ZNF621: variants seen among roughly 807,000 people sequenced by gnomAD.
ZNF621 encodes the protein zinc finger protein 621.
ZNF621 carries 6 observed loss-of-function variants against 12.7 expected under a neutral mutation model. The observed-to-expected ratio is 0.47, with a 90% confidence interval of 0.26 to 0.93. ZNF621 has a LOEUF of 0.93. ZNF621 is among the 40% of genes least tolerant of loss of function. The probability of loss-of-function intolerance (pLI) is 0.15; values close to 1 mark genes in which losing one functional copy is unlikely to be tolerated. For synonymous variants in ZNF621, 156 were observed against 190.3 expected (o/e 0.82, Z 1.48); for missense variants, 474 against 524.0 (o/e 0.90, Z 0.93).
Position 40,535,669 on chromosome 3 carries a change from A to C in ZNF621, c.*2579A>C, listed in dbSNP as rs1255822993. 5 of 152,294 alleles carry C rather than the reference A, an allele frequency of 3.3e-5. No individual in the cohort carries two copies. Among genetic ancestry groups the C allele is most frequent in the Admixed American group, 6.5e-5 (1 of 15,290 alleles). 9.4% of individuals were successfully genotyped at this position (152,294 alleles called of 1,614,324 possible). On this transcript the variant is annotated 3_prime_UTR_variant, in exon 5 of 5. Transcript: ENST00000339296. Reference sequence around the variant, plus strand: ...GGTTATATATGTATGTCCAAGTTGCAGGGGCTTCTGGGAAATACAGGTTTT... The same window carrying C: ...GGTTATATATGTATGTCCAAGTTGCCGGGGCTTCTGGGAAATACAGGTTTT...
At chr3:40,529,607 GT>G (rs1262733888) in intron 3 of ZNF621, 162 bp downstream of exon 3, 1 of 1,489,936 alleles carries the variant, frequency 6.7e-7, no homozygotes, top group African/African-American at 1.4e-5. Flanking sequence ...TTTGTTTTTT[GT>G]TTGTTTGTTT....
At position 40,535,796 on chromosome 3, in the gene ZNF621, T is replaced by G. The variant is rs1023895592; in HGVS notation, c.*2706T>G. 1 of 152,216 alleles carries G rather than the reference T, an allele frequency of 6.6e-6. No individual in the cohort carries two copies. Among genetic ancestry groups the G allele is most frequent in the African/African-American group, 2.4e-5 (1 of 41,454 alleles). The allele number at this position is 152,216 out of a possible 1,614,324, so 9.4% of individuals were successfully genotyped here. On this transcript the variant is annotated 3_prime_UTR_variant, in exon 5 of 5. Coordinates refer to ENST00000339296, the MANE Select transcript of ZNF621 (RefSeq NM_198484.5). ...GCTGTAAAATATCAGATACCCATTATAGGCATTGAAGGTTACCTAAATGAC... is the reference window on the plus strand; with the variant it reads ...GCTGTAAAATATCAGATACCCATTAGAGGCATTGAAGGTTACCTAAATGAC...
At position 40,532,158 on chromosome 3, in the gene ZNF621, A is replaced by C; in HGVS notation, c.388A>C (p.Lys130Gln). Residue 130 changes from lysine (K) to glutamine (Q), a missense_variant, in exon 5 of 5, where the codon AAG (lysine) becomes CAG (glutamine). Coordinates refer to ENST00000339296, the MANE Select transcript of ZNF621 (RefSeq NM_198484.5). Reference sequence around the variant, plus strand: ...TTCTCAGCACTTTGATTTTAAAAGGAAGGCACTGAAGCAGACTTTCAATCT... The same window carrying C: ...TTCTCAGCACTTTGATTTTAAAAGGCAGGCACTGAAGCAGACTTTCAATCT... ...NVSQHFDFKR[K>Q]ALKQTFNLNP... The C allele has an allele frequency of 6.2e-7, 1 of 1,614,202 alleles. No homozygotes were observed. The highest frequency in any genetic ancestry group is 8.5e-7 in the Non-Finnish European group (1 of 1,180,034).
chr3:40,524,909 C>A (rs1385670125), upstream of ZNF621: 1 of 152,272 alleles, frequency 6.6e-6, no homozygotes, highest in Non-Finnish European at 1.5e-5. Flanking sequence ...CACGGGGCGA[C>A]CGAGATGGCG....
chr3:40,526,639 A>C (rs1698589704), intron 2 of ZNF621, among the ~76,000 whole-genome samples: 3 of 152,200 alleles, frequency 2.0e-5, no homozygotes, highest in South Asian at 2.1e-4. Context: ...GGTCAGAGAA[A>C]GTGGTTCAAT....
At chr3:40,523,195 A>T (rs1698496520), upstream of ZNF621, among the ~76,000 whole-genome samples, 1 of 151,974 alleles carries the variant, frequency 6.6e-6, no homozygotes, top group Admixed American at 6.6e-5. Flanking sequence ...TTTTGTTTTC[A>T]GCCATAAGGT....
At chr3:40,527,266 C>T (rs1246413982) in intron 2 of ZNF621, among the ~76,000 whole-genome samples, 3 of 152,122 alleles carry the variant, frequency 2.0e-5, no homozygotes, top group Non-Finnish European at 4.4e-5. Flanking sequence ...ATCCGCCTGC[C>T]TCAGCCTCCC....
intron 4 of ZNF621, among the ~76,000 whole-genome samples, chr3:40,530,628 C>G (rs1698701399): frequency 6.6e-6 from 1 of 152,126 alleles, no homozygotes; most frequent in Non-Finnish European, 1.5e-5. Flanking sequence ...TTTTTCATTG[C>G]AAAGAAGTGG....
At chr3:40,526,519 A>G in intron 2 of ZNF621, among the ~76,000 whole-genome samples, 1 of 152,216 alleles carries the variant, frequency 6.6e-6, no homozygotes, top group Non-Finnish European at 1.5e-5. Context: ...ATTGTATTGT[A>G]TGTATCCCAG....
chr3:40,525,554 T>G (rs1365443896), intron 1 of ZNF621: 8 of 597,264 alleles, frequency 1.3e-5, no homozygotes, highest in Non-Finnish European at 2.1e-5. Context: ...ACGAATGGGC[T>G]CAAAAAAAGC....
rs767988385 is a variant in ZNF621, at chr3:40,539,520, G to A, written c.*6430G>A. ...TATAGATTAAACATAACTTTTATAG[G>A]TACTGGAAAATAAAAATAATTGTGT... On this transcript the variant is annotated 3_prime_UTR_variant, in exon 5 of 5. Transcript: ENST00000339296. 6.6e-6 allele frequency: 1 copy of A among 152,080 alleles called. No homozygotes were observed. Among genetic ancestry groups the A allele is most frequent in the Non-Finnish European group, 1.5e-5 (1 of 68,012 alleles). The allele number at this position is 152,080 out of a possible 1,614,324, so 9.4% of individuals were successfully genotyped here.
rs1264678725 is a variant in ZNF621 at position 40,536,363 on chromosome 3, C to G, written c.*3273C>G. ...TCTCCCAAAGTGTTGGGATTACAGGCGTGAGCCACTGCACCTGGCCTGTAA... is the reference window on the plus strand; with the variant it reads ...TCTCCCAAAGTGTTGGGATTACAGGGGTGAGCCACTGCACCTGGCCTGTAA... On this transcript the variant is annotated 3_prime_UTR_variant, in exon 5 of 5. Coordinates refer to ENST00000339296, the MANE Select transcript of ZNF621 (RefSeq NM_198484.5). 6.6e-6 allele frequency: 1 copy of G among 152,158 alleles called. No individual in the cohort carries two copies. The highest frequency in any genetic ancestry group is 1.5e-5 in the Non-Finnish European group (1 of 68,054). The allele number at this position is 152,158 out of a possible 1,614,324, so 9.4% of individuals were successfully genotyped here.
intron 4 of ZNF621, among the ~76,000 whole-genome samples, chr3:40,531,559 G>C (rs1208450888): frequency 6.6e-6 from 1 of 151,900 alleles, no homozygotes; most frequent in African/African-American, 2.4e-5. Context: ...CCAATTCTAT[G>C]TCATTATTTT....
In ZNF621 at chr3:40,535,520, A is replaced by AC. The variant is rs1329717706; in HGVS notation, c.*2436dup. On this transcript the variant is annotated 3_prime_UTR_variant, in exon 5 of 5. Transcript: ENST00000339296. ...TGCTGGTGCCTGCTACTGGACTGCC[A>AC]CCCCCCATTGAAGAGACTGGACCAC... is the stretch of plus-strand genomic sequence containing the variant. 2 of 152,026 alleles carry AC rather than the reference A, an allele frequency of 1.3e-5. No homozygotes were observed. Among genetic ancestry groups the AC allele is most frequent in the African/African-American group, 2.4e-5 (1 of 41,378 alleles). 9.4% of individuals were successfully genotyped at this position (152,026 alleles called of 1,614,324 possible). A position where few individuals can be genotyped will look rare whatever the true frequency, so the allele number is the denominator to read the frequency against.
intron 2 of ZNF621, among the ~76,000 whole-genome samples, chr3:40,528,738 C>A (rs1256680219): frequency 2.0e-5 from 3 of 152,288 alleles, no homozygotes; most frequent in South Asian, 2.1e-4. Flanking sequence ...TTGCAATTCC[C>A]TAATGACATA....
chr3:40,538,303 A>C lies in ZNF621; in HGVS notation c.*5213A>C, dbSNP rs1394022265. The C allele has an allele frequency of 8.4e-6, 3 of 357,790 alleles. No homozygotes were observed. The highest frequency in any genetic ancestry group is 1.1e-4 in the East Asian group (1 of 8,834). 22.2% of individuals were successfully genotyped at this position (357,790 alleles called of 1,614,324 possible). On this transcript the variant is annotated 3_prime_UTR_variant, in exon 5 of 5. Coordinates refer to ENST00000339296, the MANE Select transcript of ZNF621 (RefSeq NM_198484.5). ...CAAGGCAGGTGGATCAGTTGAGGTC[A>C]GGAGTTTGAGACCAGCCTGACCAAC...
chr3:40,530,122 T>C, intron 3 of ZNF621, 87 bp from the exon 4 acceptor site: 1 of 1,084,546 alleles, frequency 9.2e-7, no homozygotes, highest in South Asian at 1.4e-5. Flanking sequence ...CTCTCCCAAG[T>C]AGCCTGATGG....
rs772924157 is a variant in ZNF621 at position 40,529,271 on chromosome 3, T to C, written c.25-48T>C. On this transcript the variant is annotated intron_variant, in intron 2 of 4. Transcript: ENST00000339296. ...CCCTGAAGCTCAAGCTGCTCCCTTC[T>C]TCCTTCTACTTCTCACTCAGAGATT... The C allele has an allele frequency of 2.5e-6, 4 of 1,599,380 alleles. No individual in the cohort carries two copies. The Admixed American group carries it at 5.1e-5, about 20-fold the overall frequency.
chr3:40,531,431 C>T (rs1345673043), intron 4 of ZNF621, among the ~76,000 whole-genome samples: 3 of 152,056 alleles, frequency 2.0e-5, no homozygotes, highest in Non-Finnish European at 2.9e-5. Context: ...TACCTTCTTT[C>T]CTTCTCATTC....
Sources: gnomAD v4.1 joint callset for allele counts (sites outside exome capture counted in the v4.1 genomes callset) on GRCh38, gnomAD v4.1.1 for gene constraint, MANE v1.5 for transcripts, NCBI Gene and HGNC (gene_info 2026-07-23, HGNC 2026-07-21) for gene names.